ABCD2: variants seen among roughly 807,000 people sequenced by gnomAD.
ABCD2 encodes ATP-binding cassette sub-family D member 2.
In ABCD2, 36 loss-of-function variants were observed where a neutral mutation model predicts 70.9. The observed-to-expected ratio is 0.51, with a 90% CI of 0.39 to 0.67. ABCD2 has a LOEUF of 0.67. Among genes scored for constraint, ABCD2 ranks in the 30% least tolerant of loss-of-function variants. ABCD2 has a pLI of 0.00. For synonymous variants in ABCD2, 304 were observed against 306.9 expected (o/e 0.99, Z 0.10); for missense variants, 729 against 890.2 (o/e 0.82, Z 2.30).
In ABCD2 at chr12:39,603,864, G is replaced by A. The variant is rs372516227; in HGVS notation, c.1500+48C>T. 2.9e-5 allele frequency: 39 copies of A among 1,367,858 alleles called. No individual in the cohort carries two copies. In the Middle Eastern group the frequency reaches 7.2e-4, roughly 25 times the overall value. The allele number at this position is 1,367,858 out of a possible 1,614,324, so 84.7% of individuals were successfully genotyped here. A position where few individuals can be genotyped will look rare whatever the true frequency, so the allele number is the denominator to read the frequency against. On this transcript the variant is annotated intron_variant, in intron 5 of 9. Transcript: ENST00000308666. ...AGGTACATGAATTCTGAGTTGTTTTGTATTAGTGTGATGGCAACAATCAGA... is the reference window on the plus strand; with the variant it reads ...AGGTACATGAATTCTGAGTTGTTTTATATTAGTGTGATGGCAACAATCAGA...
intron 2 of ABCD2, among the ~76,000 whole-genome samples, chr12:39,615,203 GT>G (rs1942099492): frequency 6.6e-6 from 1 of 151,574 alleles, no homozygotes. Flanking sequence ...ATACTCCAGG[GT>G]TTTTTAATAA....
At position 39,573,730 on chromosome 12, in the gene ABCD2, G is replaced by A. The variant is rs1159608221; in HGVS notation, c.1989C>T (p.His663=). The A allele has an allele frequency of 6.2e-7, 1 of 1,611,046 alleles. No individual in the cohort carries two copies. The part of the protein sequence containing the change: ...GAGISLLSIT[H]RPSLWKYHTH... The stretch of plus-strand genomic sequence containing the variant: ...GAAACACTTACCAAAGAGAAGGTCT[G>A]TGTGTTATAGACAGTAAGGAAATTC... The change falls in exon 9 of 10, where the codon CAC becomes CAT. Residue 663 remains histidine (H), a synonymous_variant. Coordinates refer to ENST00000308666, the MANE Select transcript of ABCD2 (RefSeq NM_005164.4).
Position 39,618,773 on chromosome 12 carries a change from C to T in ABCD2, c.843G>A (p.Leu281=). 6.2e-7 allele frequency: 1 copy of T among 1,614,206 alleles called. No individual in the cohort carries two copies. Among genetic ancestry groups the T allele is most frequent in the Non-Finnish European group, 8.5e-7 (1 of 1,180,050 alleles). ...CTTTTCTATGTGCTTCCTCTGCCAC[C>T]AGTTTGCCAAATTTGGGAGAACAGG... ...LKACSPKFGK[L]VAEEAHRKGY... is the part of the protein sequence containing the mutation. Residue 281 remains leucine (L), a synonymous_variant, in exon 1 of 10, where the codon CTG becomes CTA. Coordinates refer to ENST00000308666, the MANE Select transcript of ABCD2 (RefSeq NM_005164.4).
chr12:39,602,385 C>G (rs1321476351), intron 5 of ABCD2, among the ~76,000 whole-genome samples: 2 of 151,936 alleles, frequency 1.3e-5, no homozygotes, highest in Non-Finnish European at 2.9e-5. Flanking sequence ...AACTCCTGAC[C>G]TCAGGTGATC....
At chr12:39,560,750 T>A (rs1467333618) in intron 9 of ABCD2, among the ~76,000 whole-genome samples, 1 of 152,122 alleles carries the variant, frequency 6.6e-6, no homozygotes, top group Non-Finnish European at 1.5e-5. Context: ...ATTAAAGTTG[T>A]TATGAACTTA....
intron 2 of ABCD2, among the ~76,000 whole-genome samples, chr12:39,609,547 AGGT>A (rs1942017088): frequency 6.6e-6 from 1 of 152,050 alleles, no homozygotes; most frequent in African/African-American, 2.4e-5. Context: ...TACATTCTCC[AGGT>A]TGTTACTTTA....
chr12:39,600,511 A>G, intron 6 of ABCD2, 60 bp downstream of exon 6: 2 of 1,421,770 alleles, frequency 1.4e-6, no homozygotes, highest in South Asian at 2.8e-5. Flanking sequence ...AACTTGAGGA[A>G]TCAAGACAAT....
intron 2 of ABCD2, among the ~76,000 whole-genome samples, chr12:39,616,662 G>T (rs541873862): frequency 6.6e-5 from 10 of 152,094 alleles, no homozygotes; most frequent in African/African-American, 2.4e-4. Flanking sequence ...CTTTCTGAGG[G>T]TACTAACTTA....
At chr12:39,584,181 T>G (rs1035687680) in intron 7 of ABCD2, among the ~76,000 whole-genome samples, 1 of 152,210 alleles carries the variant, frequency 6.6e-6, no homozygotes, top group Non-Finnish European at 1.5e-5. Flanking sequence ...AACATCTTGT[T>G]ATTTTTTGAC....
At chr12:39,602,491 A>T (rs923176125) in intron 5 of ABCD2, among the ~76,000 whole-genome samples, 1 of 152,132 alleles carries the variant, frequency 6.6e-6, no homozygotes, top group Non-Finnish European at 1.5e-5. Context: ...TAACAAAGGT[A>T]TGAGATCCTT....
rs559953202 is a variant in ABCD2 at position 39,553,124 on chromosome 12, A to C, written c.*788T>G. Reference sequence around the variant, plus strand: ...AGACTCATCCTTGGGCAAAAAAACAAGCTGTGTATTTCTGAACAGAAGTTG... The same window carrying C: ...AGACTCATCCTTGGGCAAAAAAACACGCTGTGTATTTCTGAACAGAAGTTG... On this transcript the variant is annotated 3_prime_UTR_variant, in exon 10 of 10. Coordinates refer to ENST00000308666, the MANE Select transcript of ABCD2 (RefSeq NM_005164.4). 11 of 152,110 alleles carry C rather than the reference A, an allele frequency of 7.2e-5. No homozygotes were observed. Among genetic ancestry groups the C allele is most frequent in the Admixed American group, 5.9e-4 (9 of 15,268 alleles). The allele number at this position is 152,110 out of a possible 1,614,324, so 9.4% of individuals were successfully genotyped here.
intron 6 of ABCD2, among the ~76,000 whole-genome samples, chr12:39,587,756 A>G (rs981822957): frequency 3.9e-5 from 6 of 152,190 alleles, no homozygotes; most frequent in African/African-American, 1.4e-4. Flanking sequence ...AAATAAAATT[A>G]AACCAACAAG....
At chr12:39,590,394 A>G (rs1264856154) in intron 6 of ABCD2, among the ~76,000 whole-genome samples, 1 of 152,186 alleles carries the variant, frequency 6.6e-6, no homozygotes, top group Non-Finnish European at 1.5e-5. Context: ...ATTAGTAGCT[A>G]TCAAAAAAGA....
At chr12:39,600,374 A>G (rs1345255317) in intron 6 of ABCD2, among the ~76,000 whole-genome samples, 197 bp downstream of exon 6, 1 of 152,186 alleles carries the variant, frequency 6.6e-6, no homozygotes, top group Non-Finnish European at 1.5e-5. Flanking sequence ...TGAAAATGAA[A>G]AAAAGTGGTA....
intron 9 of ABCD2, among the ~76,000 whole-genome samples, chr12:39,570,492 A>G (rs1339061658): frequency 1.3e-5 from 2 of 152,220 alleles, no homozygotes; most frequent in African/African-American, 4.8e-5. Context: ...GGGAAAGGGC[A>G]GTATCCTCAA....
At chr12:39,605,872 G>T (rs1197052044) in intron 3 of ABCD2, among the ~76,000 whole-genome samples, 1 of 152,136 alleles carries the variant, frequency 6.6e-6, no homozygotes, top group Non-Finnish European at 1.5e-5. Context: ...TTCTGTGTAT[G>T]CAAAACATAA....
At chr12:39,555,609 A>G (rs1941152586) in intron 9 of ABCD2, among the ~76,000 whole-genome samples, 1 of 152,128 alleles carries the variant, frequency 6.6e-6, no homozygotes, top group African/African-American at 2.4e-5. Flanking sequence ...CTTGGGGAAA[A>G]GAGAGGGATG....
At position 39,551,562 on chromosome 12, in the gene ABCD2, A is replaced by G. The variant is rs1941087938; in HGVS notation, c.*2350T>C. The G allele has an allele frequency of 6.6e-6, 1 of 151,780 alleles. No homozygotes were observed. Among genetic ancestry groups the G allele is most frequent in the African/African-American group, 2.4e-5 (1 of 41,418 alleles). 9.4% of individuals were successfully genotyped at this position (151,780 alleles called of 1,614,324 possible). A position where few individuals can be genotyped will look rare whatever the true frequency, so the allele number is the denominator to read the frequency against. On this transcript the variant is annotated 3_prime_UTR_variant, in exon 10 of 10. Coordinates refer to ENST00000308666, the MANE Select transcript of ABCD2 (RefSeq NM_005164.4). ...AGATGTTTTCCCTTCCAAGTTAAGGATGTTGGTCCTGAAAAATAAATTCAG... is the reference window on the plus strand; with the variant it reads ...AGATGTTTTCCCTTCCAAGTTAAGGGTGTTGGTCCTGAAAAATAAATTCAG...
rs1366119402 is a variant in ABCD2, at chr12:39,573,815, C to G, written c.1904G>C (p.Cys635Ser). 4 of 1,612,294 alleles carry G rather than the reference C, an allele frequency of 2.5e-6. No individual in the cohort carries two copies. Among genetic ancestry groups the G allele is most frequent in the Non-Finnish European group, 3.4e-6 (4 of 1,179,020 alleles). The part of the protein sequence containing the change: ...HKPKYALLDE[C>S]TSAVSIDVEG... ...GACATCAATGCTGACAGCACTGGTA[C>G]ATTCATCCAGCAAGGCATATTTTGG... Residue 635 changes from cysteine (C) to serine (S), a missense_variant, in exon 9 of 10, where the codon TGT becomes TCT. Physicochemically the swap from Cys to Ser is moderately radical, Grantham distance 112. This residue lies in a region of ABCD2 where 289 missense variants were observed against 328.8 expected (regional missense o/e 0.88). Coordinates refer to ENST00000308666, the MANE Select transcript of ABCD2 (RefSeq NM_005164.4).
Sources: gnomAD v4.1 joint callset for allele counts (sites outside exome capture counted in the v4.1 genomes callset) on GRCh38, gnomAD v4.1.1 for gene constraint, gnomAD v4.1.1 regional missense constraint, MANE v1.5 for transcripts, NCBI Gene and HGNC (gene_info 2026-07-23, HGNC 2026-07-21) for gene names.